Variants in DNAJC7 observed in about 807,000 individuals in gnomAD.
DNAJC7 encodes the protein dnaJ homolog subfamily C member 7.
Under a neutral mutation model 67.4 loss-of-function variants are expected in DNAJC7, and 18 were observed. That is an observed-to-expected ratio of 0.27 (90% CI 0.18 to 0.40). The LOEUF is 0.40. Among genes scored for constraint, DNAJC7 ranks in the 10% least tolerant of loss-of-function variants. The pLI is 1.00. For missense variants in DNAJC7, 419 were observed against 613.8 expected (o/e 0.68, Z 3.35); for synonymous variants, 220 against 207.8 (o/e 1.06, Z -0.50).
At chr17:42,007,358 C>T (rs2051993431) in intron 1 of DNAJC7, among the ~76,000 whole-genome samples, 2 of 151,998 alleles carry the variant, frequency 1.3e-5, no homozygotes, top group African/African-American at 4.8e-5. Context: ...GAAATTCTTT[C>T]CTCCTTCCCA....
intron 5 of DNAJC7, among the ~76,000 whole-genome samples, chr17:41,994,248 A>C (rs1398712185): frequency 6.6e-6 from 1 of 152,014 alleles, no homozygotes; most frequent in Non-Finnish European, 1.5e-5. Flanking sequence ...AGGCAGGAGA[A>C]TCGCTTGAAC....
chr17:41,993,538 A>G (rs1244990412), intron 5 of DNAJC7, among the ~76,000 whole-genome samples: 1 of 152,228 alleles, frequency 6.6e-6, no homozygotes, highest in Non-Finnish European at 1.5e-5. Flanking sequence ...GCAAATTCCC[A>G]CATATGAAGT....
chr17:41,992,456 G>A (rs2051533683), intron 5 of DNAJC7, among the ~76,000 whole-genome samples: 1 of 152,284 alleles, frequency 6.6e-6, no homozygotes, highest in South Asian at 2.1e-4. Flanking sequence ...TTACAGCCAT[G>A]AGCCACCGCA....
rs2051257891 is a variant in DNAJC7 at position 41,981,762 on chromosome 17, G to A, written c.1384+93C>T. ...CTGTTTGGACCAGGGATCAGATTTG[G>A]CCCAAATAGACTCTCCCTCTGGAGC... On this transcript the variant is annotated intron_variant, in intron 12 of 13. Coordinates refer to ENST00000457167, the MANE Select transcript of DNAJC7 (RefSeq NM_003315.4). 11 of 1,518,094 alleles carry A rather than the reference G, an allele frequency of 7.2e-6. No homozygotes were observed. The East Asian group carries it at 2.5e-4, about 34-fold the overall frequency. The allele number at this position is 1,518,094 out of a possible 1,614,324, so 94.0% of individuals were successfully genotyped here.
At chr17:41,986,018 A>G (rs1342140753) in intron 9 of DNAJC7, 1 of 132,112 alleles carries the variant, frequency 7.6e-6, no homozygotes, top group East Asian at 2.5e-4. Context: ...GAGCAAATCA[A>G]GAATTTTCTA....
intron 1 of DNAJC7, among the ~76,000 whole-genome samples, chr17:42,001,253 T>C (rs1457358578): frequency 1.3e-5 from 2 of 152,150 alleles, no homozygotes; most frequent in Non-Finnish European, 2.9e-5. Flanking sequence ...CCTCTTCCCA[T>C]CACAACAATG....
intron 1 of DNAJC7, chr17:42,013,357 A>T (rs2052169716): frequency 6.6e-6 from 1 of 152,268 alleles, no homozygotes; most frequent in African/African-American, 2.4e-5. Flanking sequence ...TAAAACATGT[A>T]GCCATTTAAA....
At chr17:42,014,578 TTTTC>T (rs1374960041) in intron 1 of DNAJC7, 8 of 151,900 alleles carry the variant, frequency 5.3e-5, no homozygotes, top group African/African-American at 1.7e-4. Flanking sequence ...GAATGCATTT[TTTTC>T]TTTTTTTAAT....
intron 5 of DNAJC7, among the ~76,000 whole-genome samples, chr17:41,991,296 G>A (rs2051505684): frequency 6.6e-6 from 1 of 152,144 alleles, no homozygotes; most frequent in Admixed American, 6.5e-5. Context: ...GTCAGGAAGA[G>A]ATAAACTCTG....
chr17:42,017,209 C>T (rs2052326202), intron 1 of DNAJC7, 131 bp downstream of exon 1: 1 of 1,592,462 alleles, frequency 6.3e-7, no homozygotes, highest in Non-Finnish European at 8.5e-7. Context: ...CGGCCTTGAT[C>T]TCAGATGGGG....
Position 41,977,324 on chromosome 17 carries a change from C to A in DNAJC7, c.1385-1G>T. On this transcript the variant is annotated splice_acceptor_variant, in intron 12 of 13. Coordinates refer to ENST00000457167, the MANE Select transcript of DNAJC7 (RefSeq NM_003315.4). LOFTEE classifies it high-confidence loss of function. ...TTGAAGATATTGTTTGGATCAAAAT[C>A]TGTAGAGCAGGGCAAGTAACATGGA... 6.3e-7 allele frequency: 1 copy of A among 1,577,430 alleles called. No individual in the cohort carries two copies. Among genetic ancestry groups the A allele is most frequent in the Non-Finnish European group, 8.6e-7 (1 of 1,161,468 alleles).
At chr17:42,003,950 ATTTT>A (rs10631965) in intron 1 of DNAJC7, among the ~76,000 whole-genome samples, 5 of 94,330 alleles carry the variant, frequency 5.3e-5, no homozygotes, top group African/African-American at 7.9e-5. Flanking sequence ...AAGATTTTCA[ATTTT>A]TTTTTTTTTT....
chr17:42,016,990 T>A, intron 1 of DNAJC7: 3 of 1,221,976 alleles, frequency 2.5e-6, no homozygotes, highest in Non-Finnish European at 2.1e-6. Context: ...AACGCGGGGG[T>A]CGGGGGCGAT....
chr17:42,017,324 C>G lies in DNAJC7; in HGVS notation c.77+16G>C, dbSNP rs560924369. The G allele has an allele frequency of 1.6e-5, 26 of 1,611,514 alleles. 1 individual carries two copies. The East Asian group carries it at 4.2e-4, about 26-fold the overall frequency. On this transcript the variant is annotated intron_variant, in intron 1 of 13. Transcript: ENST00000457167. ...AGCTGCAGGTCGCCTCCTCTACTACCCTGCTACCCGGTTACCTCTTCGCCT... is the reference window on the plus strand; with the variant it reads ...AGCTGCAGGTCGCCTCCTCTACTACGCTGCTACCCGGTTACCTCTTCGCCT...
At chr17:42,017,236 C>T in intron 1 of DNAJC7, 104 bp downstream of exon 1, 1 of 1,599,378 alleles carries the variant, frequency 6.3e-7, no homozygotes, top group South Asian at 1.1e-5. Context: ...TTGCGGAGGG[C>T]GGGGCATCGC....
chr17:41,988,771 ATT>A lies in DNAJC7; in HGVS notation c.877_878del (p.Asn293CysfsTer2). On this transcript the variant is annotated frameshift_variant, in exon 8 of 14. Transcript: ENST00000457167. LOFTEE classifies it high-confidence loss of function. ...LGIDPNNIKT[N>X]AKLYCNRGTV... The stretch of plus-strand genomic sequence containing the variant: ...TACCCCGATTACAGTAGAGTTTAGC[ATT>A]TGTTTTTATATTGTTGGGGTCTATC... 1.9e-6 allele frequency: 3 copies of A among 1,612,084 alleles called. No individual in the cohort carries two copies. The highest frequency in any genetic ancestry group is 2.5e-6 in the Non-Finnish European group (3 of 1,179,298).
chr17:41,999,014 T>C (rs1196965253), intron 2 of DNAJC7, among the ~76,000 whole-genome samples: 1 of 151,906 alleles, frequency 6.6e-6, no homozygotes, highest in Non-Finnish European at 1.5e-5. Flanking sequence ...GGTAAGACCC[T>C]GTCTCTATTT....
intron 6 of DNAJC7, 27 bp downstream of exon 6, chr17:41,990,237 T>C: frequency 4.4e-6 from 7 of 1,576,382 alleles, no homozygotes; most frequent in Non-Finnish European, 6.0e-6. Flanking sequence ...TCTGGCATTT[T>C]AATGTCCAGC....
intron 1 of DNAJC7, chr17:42,011,371 A>C (rs1475263289): frequency 6.6e-6 from 1 of 152,206 alleles, no homozygotes; most frequent in Non-Finnish European, 1.5e-5. Context: ...GACTCTAAGC[A>C]ACTGCCACTC....
Sources: gnomAD v4.1 joint callset for allele counts (sites outside exome capture counted in the v4.1 genomes callset) on GRCh38, gnomAD v4.1.1 for gene constraint, MANE v1.5 for transcripts, NCBI Gene and HGNC (gene_info 2026-07-23, HGNC 2026-07-21) for gene names.